Variants in SDK1 observed in about 807,000 individuals in gnomAD.
The protein encoded by SDK1 is protein sidekick-1.
SDK1 carries 157 observed loss-of-function variants against 245.5 expected under a neutral mutation model. That is an observed-to-expected ratio of 0.64 (90% CI 0.56 to 0.73). The LOEUF (loss-of-function observed/expected upper bound fraction) is 0.73, where lower values mean the gene tolerates loss of function less well. Ranked by LOEUF, SDK1 falls within the 30% of genes least tolerant of loss-of-function variation. The pLI is 0.00. For missense variants in SDK1, 3,583 were observed against 3,002.3 expected, an observed-to-expected ratio of 1.19 and a Z score of -4.52; for synonymous variants, 1,647 against 1,278.5, an observed-to-expected ratio of 1.29 and a Z score of -6.15.
chr7:3,512,232 G>T (rs1782603980), intron 1 of SDK1, among the ~76,000 whole-genome samples: 1 of 151,994 alleles, frequency 6.6e-6, no homozygotes, highest in Non-Finnish European at 1.5e-5. Flanking sequence ...TTTTCAGACT[G>T]ATAACTTTCA....
At position 4,260,117 on chromosome 7, in the gene SDK1, TCG is replaced by T. The variant is rs1160163023; in HGVS notation, c.6382-5006_6382-5005del. On this transcript the variant is annotated intron_variant, in intron 44 of 44. Coordinates refer to ENST00000404826, the MANE Select transcript of SDK1 (RefSeq NM_152744.4). The stretch of plus-strand genomic sequence containing the variant: ...CTGTGTGTGTGGGAAGATGTGTTCA[TCG>T]TCACCTGATGGAGAAGCTGGCTGCT... Among the ~76,000 whole-genome samples the T allele has an allele frequency of 5.1e-4, 78 of 152,004 alleles. 1 individual carries two copies. The highest frequency in any genetic ancestry group is 1.8e-3 in the African/African-American group (76 of 41,448).
intron 19 of SDK1, among the ~76,000 whole-genome samples, chr7:4,065,598 T>C (rs1309574282): frequency 6.6e-6 from 1 of 152,128 alleles, no homozygotes; most frequent in East Asian, 1.9e-4. Flanking sequence ...CCATTCTATT[T>C]TACCATCTTC....
At chr7:3,818,209 T>C (rs1419400299) in intron 4 of SDK1, among the ~76,000 whole-genome samples, 1 of 152,222 alleles carries the variant, frequency 6.6e-6, no homozygotes, top group African/African-American at 2.4e-5. Flanking sequence ...ATACATTTGT[T>C]TCAATAAAGT....
rs534106571 is a variant in SDK1 at position 4,139,215 on chromosome 7, C to T, written c.4229-6507C>T. 5.3e-5 allele frequency among the ~76,000 whole-genome samples: 8 copies of T among 151,982 alleles called. No homozygotes were observed. The East Asian group carries it at 1.4e-3, about 26-fold the overall frequency. Reference sequence around the variant, plus strand: ...CATTTCCTGGAGTGACCTCCCAAATCGCCACTTGCACTCCAGTCCTGGCCT... The same window carrying T: ...CATTTCCTGGAGTGACCTCCCAAATTGCCACTTGCACTCCAGTCCTGGCCT... On this transcript the variant is annotated intron_variant, in intron 28 of 44. Transcript: ENST00000404826.
At chr7:3,960,353 G>A (rs1445517065) in intron 8 of SDK1, among the ~76,000 whole-genome samples, 4 of 152,206 alleles carry the variant, frequency 2.6e-5, no homozygotes, top group Non-Finnish European at 5.9e-5. Flanking sequence ...AAATCTGTCA[G>A]CCACCAAAGC....
chr7:4,264,350 A>AG (rs772012184), intron 44 of SDK1, among the ~76,000 whole-genome samples: 3 of 113,356 alleles, frequency 2.6e-5, no homozygotes, highest in Admixed American at 9.2e-5. Context: ...CTCCTGAGTG[A>AG]GGAGGCCGTG....
rs1238621270 is a variant in SDK1, at chr7:3,305,584, C to T, written c.298+3700C>T. On this transcript the variant is annotated intron_variant, in intron 1 of 44. Coordinates refer to ENST00000404826, the MANE Select transcript of SDK1 (RefSeq NM_152744.4). ...AGTACTTTGCTTCCCCTCCTCCTAA[C>T]CTACTCCCTTTACAACTTTGTAATT... is the stretch of plus-strand genomic sequence containing the variant. 2.0e-5 allele frequency among the ~76,000 whole-genome samples: 3 copies of T among 152,198 alleles called. No individual in the cohort carries two copies. In the South Asian group the frequency reaches 6.2e-4, roughly 31 times the overall value.
intron 14 of SDK1, among the ~76,000 whole-genome samples, chr7:4,004,165 T>C (rs757096506): frequency 1.3e-5 from 2 of 152,348 alleles, no homozygotes; most frequent in South Asian, 2.1e-4. Flanking sequence ...CAAACACTTA[T>C]TGAGCTCCTA....
At chr7:3,614,578 A>T (rs1781709101) in intron 1 of SDK1, among the ~76,000 whole-genome samples, 1 of 152,220 alleles carries the variant, frequency 6.6e-6, no homozygotes, top group African/African-American at 2.4e-5. Flanking sequence ...GCATCTGTGC[A>T]GACTTGAATA....
chr7:3,798,836 T>A (rs1457925587), intron 4 of SDK1, among the ~76,000 whole-genome samples: 1 of 152,154 alleles, frequency 6.6e-6, no homozygotes, highest in Non-Finnish European at 1.5e-5. Context: ...CCACAAAAAA[T>A]TAATTAAATT....
At position 4,051,775 on chromosome 7, in the gene SDK1, C is replaced by T. The variant is rs752230612; in HGVS notation, c.2856C>T (p.Thr952=). ...ACTTCACTTCCGTTCTGTGCTTCAC[C>T]ACCCCTGGGGACGGGCCTCCCAGCA... ...TAYFTSVLCF[T]TPGDGPPSTP... Residue 952 remains threonine (T), a synonymous_variant, in exon 19 of 45, where the codon ACC becomes ACT. Coordinates refer to ENST00000404826, the MANE Select transcript of SDK1 (RefSeq NM_152744.4). The T allele has an allele frequency of 3.7e-6, 6 of 1,613,914 alleles. No homozygotes were observed. The highest frequency in any genetic ancestry group is 5.1e-6 in the Non-Finnish European group (6 of 1,179,916).
rs1209926968 is a variant in SDK1, at chr7:4,268,481, C to A, written c.*3097C>A. ...GGCGCACTTCACTCAATGCTGTAGC[C>A]AAAAAACGAGGGGCCCCAGGGAGAG... On this transcript the variant is annotated 3_prime_UTR_variant, in exon 45 of 45. Coordinates refer to ENST00000404826, the MANE Select transcript of SDK1 (RefSeq NM_152744.4). 8.5e-7 allele frequency: 1 copy of A among 1,175,188 alleles called. No individual in the cohort carries two copies. Among genetic ancestry groups the A allele is most frequent in the Non-Finnish European group, 1.1e-6 (1 of 932,310 alleles). 72.8% of individuals were successfully genotyped at this position (1,175,188 alleles called of 1,614,324 possible).
In SDK1 at chr7:3,775,839, G is replaced by A. The variant is rs146421041; in HGVS notation, c.714-45611G>A. On this transcript the variant is annotated intron_variant, in intron 4 of 44. Transcript: ENST00000404826. ...GATCCACCCGCCTCGGCCTCCCAAA[G>A]TGCTGGGATTACAGGCGTGAGCCAC... Among the ~76,000 whole-genome samples, 631 of 152,194 alleles carry A rather than the reference G, an allele frequency of 4.1e-3. 2 individuals are homozygous for A. Among genetic ancestry groups the A allele is most frequent in the Non-Finnish European group, 6.9e-3 (471 of 68,006 alleles).
At chr7:4,083,631 CCTTT>C (rs1781215664) in intron 22 of SDK1, among the ~76,000 whole-genome samples, 1 of 51,926 alleles carries the variant, frequency 1.9e-5, no homozygotes, top group African/African-American at 9.0e-5. Flanking sequence ...CTCCCTCCCT[CCTTT>C]CCTTCCTTCC....
chr7:3,981,347 G>A (rs949065920), intron 13 of SDK1, among the ~76,000 whole-genome samples: 24 of 152,228 alleles, frequency 1.6e-4, no homozygotes, highest in Middle Eastern at 6.8e-3. Context: ...CCGTCTCCTT[G>A]GGCCCCTGTA....
intron 5 of SDK1, among the ~76,000 whole-genome samples, chr7:3,880,798 C>A (rs1199566956): frequency 6.6e-6 from 1 of 152,078 alleles, no homozygotes. Flanking sequence ...GCGGCTCGCA[C>A]AGCTTTGCCG....
chr7:3,432,178 T>G (rs1397473480), intron 1 of SDK1, among the ~76,000 whole-genome samples: 1 of 149,784 alleles, frequency 6.7e-6, no homozygotes, highest in Non-Finnish European at 1.5e-5. Flanking sequence ...TATATATATA[T>G]CCCCATACCT....
intron 20 of SDK1, among the ~76,000 whole-genome samples, chr7:4,074,670 G>C (rs1015561844): frequency 6.6e-6 from 1 of 151,782 alleles, no homozygotes; most frequent in Non-Finnish European, 1.5e-5. Flanking sequence ...AGACCAGCCT[G>C]GGCAACACAG....
At chr7:3,805,370 A>G (rs1434752889) in intron 4 of SDK1, among the ~76,000 whole-genome samples, 2 of 152,306 alleles carry the variant, frequency 1.3e-5, no homozygotes, top group East Asian at 3.9e-4. Context: ...ATGCCTTTGT[A>G]TTGATGCTCA....
Sources: gnomAD v4.1 joint callset for allele counts (sites outside exome capture counted in the v4.1 genomes callset) on GRCh38, gnomAD v4.1.1 for gene constraint, MANE v1.5 for transcripts, NCBI Gene and HGNC (gene_info 2026-07-23, HGNC 2026-07-21) for gene names.